The following IL1RAPL1 variants were observed in gnomAD, a reference collection of about 807,000 sequenced individuals.
The protein encoded by IL1RAPL1 is interleukin 1 receptor accessory protein like 1, also known as interleukin-1 receptor accessory protein-like 1.
In IL1RAPL1, 3 loss-of-function variants were observed where a neutral mutation model predicts 48.4. That is an observed-to-expected ratio of 0.06 (90% confidence interval 0.03 to 0.16). IL1RAPL1 has a LOEUF of 0.16. Among genes scored for constraint, IL1RAPL1 ranks in the 10% least tolerant of loss-of-function variants. The pLI, the probability that IL1RAPL1 is intolerant of heterozygous loss-of-function variation, is 1.00. For synonymous variants in IL1RAPL1, 185 were observed against 187.7 expected (o/e 0.99, Z 0.12); for missense variants, 349 against 530.6 (o/e 0.66, Z 3.36).
At chrX:29,221,670 C>T (rs1002960400) in intron 2 of IL1RAPL1, among the ~76,000 whole-genome samples, 1 of 89,834 alleles carries the variant, frequency 1.1e-5, no homozygotes, top group Non-Finnish European at 2.4e-5. Context: ...CACACACACA[C>T]ACATATGACA....
intron 5 of IL1RAPL1, among the ~76,000 whole-genome samples, chrX:29,458,461 C>G (rs74403814): frequency 3.4e-5 from 1 of 29,273 alleles, no homozygotes; most frequent in African/African-American, 2.2e-4. Flanking sequence ...TACTCCTTGA[C>G]TGCCCAGTCA....
In IL1RAPL1 at chrX:29,770,387, G is replaced by A. The variant is rs141932126; in HGVS notation, c.778+101883G>A. On this transcript the variant is annotated intron_variant, in intron 6 of 10. Coordinates refer to ENST00000378993, the MANE Select transcript of IL1RAPL1 (RefSeq NM_014271.4). ...TTGTTTTTCAGTGTAAGGAAAAAAT[G>A]GTACAGTGTGAAAGCTAAAGTACAT... is the stretch of plus-strand genomic sequence containing the variant. 4.4e-3 allele frequency among the ~76,000 whole-genome samples: 488 copies of A among 111,684 alleles called. 2 individuals carry two copies. The highest frequency in any genetic ancestry group is 7.2e-3 in the Admixed American group (75 of 10,483).
chrX:29,211,207 G>A (rs1162302109), intron 2 of IL1RAPL1, among the ~76,000 whole-genome samples: 1 of 111,329 alleles, frequency 9.0e-6, no homozygotes, highest in Non-Finnish European at 1.9e-5. Flanking sequence ...TAACCATTGT[G>A]GGATAGAGGT....
In IL1RAPL1 at chrX:29,283,119, A is replaced by T. The variant is rs1932228416; in HGVS notation, c.264A>T (p.Pro88=). ...KSSGPGDFEE[P]IAFDGSRMSK... ...CTGGTCCTGGAGACTTTGAAGAGCCAATAGCCTTTGACGGAAGTAGAATGA... is the reference window on the plus strand; with the variant it reads ...CTGGTCCTGGAGACTTTGAAGAGCCTATAGCCTTTGACGGAAGTAGAATGA... Residue 88 remains proline, a synonymous_variant, in exon 3 of 11, where the codon CCA becomes CCT. Transcript: ENST00000378993. 1 of 1,209,817 alleles carries T rather than the reference A, an allele frequency of 8.3e-7. No homozygotes were observed. Among genetic ancestry groups the T allele is most frequent in the African/African-American group, 1.8e-5 (1 of 57,140 alleles).
intron 1 of IL1RAPL1, among the ~76,000 whole-genome samples, chrX:28,782,717 G>A (rs1446053905): frequency 9.0e-6 from 1 of 111,577 alleles, no homozygotes; most frequent in African/African-American, 3.2e-5. Context: ...TAACATTTTT[G>A]GAGTTTATAC....
intron 5 of IL1RAPL1, among the ~76,000 whole-genome samples, chrX:29,668,203 G>A (rs1471415359): frequency 1.8e-5 from 2 of 112,140 alleles, no homozygotes; most frequent in African/African-American, 6.5e-5. Context: ...ATTCATTAGT[G>A]TCATGTGACT....
intron 2 of IL1RAPL1, among the ~76,000 whole-genome samples, chrX:28,902,232 C>A (rs1923095372): frequency 9.2e-6 from 1 of 109,055 alleles, no homozygotes; most frequent in Non-Finnish European, 1.9e-5. Context: ...AGTACAGTGG[C>A]ATGACCTCAG....
At chrX:29,538,554 T>C (rs1921323241) in intron 5 of IL1RAPL1, among the ~76,000 whole-genome samples, 1 of 108,607 alleles carries the variant, frequency 9.2e-6, no homozygotes, top group South Asian at 4.0e-4. Context: ...GCCAGGCTGG[T>C]TTTGAACTCC....
At chrX:29,662,354 C>G (rs919432777) in intron 5 of IL1RAPL1, among the ~76,000 whole-genome samples, 2 of 111,659 alleles carry the variant, frequency 1.8e-5, no homozygotes, top group African/African-American at 3.3e-5. Flanking sequence ...GCTTTCCTGA[C>G]AGTTTTTTCT....
chrX:28,643,915 T>A (rs1934577938), intron 1 of IL1RAPL1, among the ~76,000 whole-genome samples: 1 of 111,695 alleles, frequency 9.0e-6, no homozygotes, highest in Admixed American at 9.5e-5. Context: ...TGGTCCTGAG[T>A]TTACAAACAC....
chrX:28,643,432 A>G (rs1601844489), intron 1 of IL1RAPL1, among the ~76,000 whole-genome samples: 1 of 111,318 alleles, frequency 9.0e-6, no homozygotes, highest in East Asian at 2.9e-4. Context: ...CACGTCTACA[A>G]TATCCTATTA....
intron 5 of IL1RAPL1, among the ~76,000 whole-genome samples, chrX:29,601,870 C>T (rs893842040): frequency 8.9e-6 from 1 of 112,237 alleles, no homozygotes; most frequent in Non-Finnish European, 1.9e-5. Flanking sequence ...AAACCTGGTT[C>T]GGTTTTGATG....
At chrX:29,699,220 A>G (rs1188917763) in intron 6 of IL1RAPL1, among the ~76,000 whole-genome samples, 2 of 112,354 alleles carry the variant, frequency 1.8e-5, no homozygotes, top group Non-Finnish European at 3.8e-5. Flanking sequence ...TGCATGCCAA[A>G]TTTTAATTTT....
At chrX:29,537,882 G>A (rs975108929) in intron 5 of IL1RAPL1, among the ~76,000 whole-genome samples, 2 of 111,132 alleles carry the variant, frequency 1.8e-5, no homozygotes, top group African/African-American at 6.5e-5. Context: ...TAGCAAAACC[G>A]ATTTCTTAAT....
intron 5 of IL1RAPL1, among the ~76,000 whole-genome samples, chrX:29,483,599 AAGAT>A (rs1343457758): frequency 8.9e-6 from 1 of 111,950 alleles, no homozygotes; most frequent in Non-Finnish European, 1.9e-5. Flanking sequence ...AATAGACACT[AAGAT>A]AGAAATAAAT....
intron 5 of IL1RAPL1, among the ~76,000 whole-genome samples, chrX:29,630,793 C>T (rs1003878983): frequency 8.9e-6 from 1 of 112,188 alleles, no homozygotes; most frequent in South Asian, 3.7e-4. Flanking sequence ...CCACCTCGGC[C>T]TCCCAAAGCG....
chrX:29,534,842 G>A (rs1278329328), intron 5 of IL1RAPL1, among the ~76,000 whole-genome samples: 1 of 109,702 alleles, frequency 9.1e-6, no homozygotes, highest in Non-Finnish European at 1.9e-5. Context: ...GGTGGCGGGC[G>A]CCTGTAGTCC....
chrX:29,842,224 T>G (rs1310891020), intron 6 of IL1RAPL1, among the ~76,000 whole-genome samples: 1 of 112,303 alleles, frequency 8.9e-6, no homozygotes, highest in Middle Eastern at 4.2e-3. Context: ...ATAAATATTA[T>G]GGCAATGTAC....
At chrX:29,639,268 C>T (rs1925084749) in intron 5 of IL1RAPL1, among the ~76,000 whole-genome samples, 1 of 109,791 alleles carries the variant, frequency 9.1e-6, no homozygotes, top group Admixed American at 9.6e-5. Context: ...TCTGCTGTTT[C>T]AGACTTAGGA....
Sources: allele counts gnomAD v4.1 joint callset (sites outside exome capture counted in the v4.1 genomes callset), GRCh38; gene constraint gnomAD v4.1.1; transcripts MANE v1.5; gene names NCBI Gene and HGNC (gene_info 2026-07-23, HGNC 2026-07-21).